The following TAS2R1 variants were observed in gnomAD, a reference collection of about 807,000 sequenced individuals.
TAS2R1 encodes taste 2 receptor member 1.
For synonymous variants in TAS2R1, 141 were observed against 134.2 expected (o/e 1.05, Z -0.35); for missense variants, 370 against 353.4 (o/e 1.05, Z -0.38).
chr5:9,891,187 C>T, the TAS2R1 span, among the ~76,000 whole-genome samples: 5 of 152,134 alleles, frequency 3.3e-5, no homozygotes, highest in African/African-American at 1.2e-4. Flanking sequence ...TTTCCAGCCA[C>T]ACATCTGGAA....
the TAS2R1 span, among the ~76,000 whole-genome samples, chr5:9,728,764 G>T: frequency 6.6e-6 from 1 of 152,186 alleles, no homozygotes; most frequent in Non-Finnish European, 1.5e-5. Flanking sequence ...CTTAGTGGCA[G>T]ATCTGGGAAC....
the TAS2R1 span, among the ~76,000 whole-genome samples, chr5:9,850,878 T>C: frequency 6.6e-6 from 1 of 152,196 alleles, no homozygotes; most frequent in African/African-American, 2.4e-5. Context: ...CATATTCTAA[T>C]TTTGGGATCC....
At chr5:9,731,083 T>C in the TAS2R1 span, among the ~76,000 whole-genome samples, 2 of 152,078 alleles carry the variant, frequency 1.3e-5, no homozygotes, top group African/African-American at 4.8e-5. Flanking sequence ...CCCATGAGTG[T>C]GTACCGACAG....
At chr5:9,868,034 C>T in the TAS2R1 span, among the ~76,000 whole-genome samples, 1 of 152,202 alleles carries the variant, frequency 6.6e-6, no homozygotes. Flanking sequence ...CCTTGGGGAG[C>T]TCCACTCCTG....
chr5:9,840,833 T>TTTTATCTATTTA, the TAS2R1 span, among the ~76,000 whole-genome samples: 1 of 77,476 alleles, frequency 1.3e-5, no homozygotes. Context: ...TTTCATTTTA[T>TTTTATCTATTTA]TTTATTTATT....
intron 1 of TAS2R1, among the ~76,000 whole-genome samples, chr5:9,706,094 C>G (rs1275262050): frequency 6.6e-6 from 1 of 152,204 alleles, no homozygotes; most frequent in African/African-American, 2.4e-5. Flanking sequence ...ATACAATGTT[C>G]TGATCTCCAT....
the TAS2R1 span, among the ~76,000 whole-genome samples, chr5:9,737,645 C>T: frequency 6.6e-6 from 1 of 152,164 alleles, no homozygotes; most frequent in Admixed American, 6.5e-5. Context: ...TTTTCCCTGG[C>T]TCCTTCCAAG....
At chr5:9,753,775 GT>G in the TAS2R1 span, among the ~76,000 whole-genome samples, 1 of 152,182 alleles carries the variant, frequency 6.6e-6, no homozygotes, top group Non-Finnish European at 1.5e-5. Context: ...TGGCTAGCCA[GT>G]TTTCCCAGCA....
At chr5:9,763,934 C>T in the TAS2R1 span, among the ~76,000 whole-genome samples, 1 of 152,118 alleles carries the variant, frequency 6.6e-6, no homozygotes, top group African/African-American at 2.4e-5. Context: ...TGTAGAAATT[C>T]AGAAAGGAAA....
chr5:9,738,212 A>G, the TAS2R1 span, among the ~76,000 whole-genome samples: 2 of 152,320 alleles, frequency 1.3e-5, no homozygotes, highest in East Asian at 1.9e-4. Flanking sequence ...ATACTTTTCC[A>G]GGGATGATTA....
chr5:9,734,179 A>G, the TAS2R1 span, among the ~76,000 whole-genome samples: 495 of 152,350 alleles, frequency 3.2e-3, 1 homozygote, highest in African/African-American at 0.011. Flanking sequence ...AGGAGATGCA[A>G]GAAGCAGAGG....
the TAS2R1 span, among the ~76,000 whole-genome samples, chr5:9,835,268 G>A: frequency 6.6e-6 from 1 of 152,210 alleles, no homozygotes; most frequent in Non-Finnish European, 1.5e-5. Flanking sequence ...AGCAGAGCCA[G>A]GGCCTCAGAG....
At chr5:9,794,682 T>C in the TAS2R1 span, among the ~76,000 whole-genome samples, 3 of 152,240 alleles carry the variant, frequency 2.0e-5, no homozygotes, top group Non-Finnish European at 4.4e-5. Flanking sequence ...AAAATGTTTT[T>C]TCTTAAGTCT....
chr5:9,832,066 C>T, the TAS2R1 span, among the ~76,000 whole-genome samples: 35 of 152,180 alleles, frequency 2.3e-4, no homozygotes, highest in Non-Finnish European at 4.6e-4. Flanking sequence ...TCTACATAAC[C>T]TGTTATCAAG....
chr5:9,714,489 A>G (rs372658925), upstream of TAS2R1, among the ~76,000 whole-genome samples: 28 of 152,330 alleles, frequency 1.8e-4, no homozygotes, highest in African/African-American at 6.3e-4. Context: ...CGGCTTCACC[A>G]GATGTGTGAT....
At chr5:9,775,800 C>T in the TAS2R1 span, among the ~76,000 whole-genome samples, 2 of 152,164 alleles carry the variant, frequency 1.3e-5, no homozygotes, top group Non-Finnish European at 2.9e-5. Context: ...TGTGGCTGAG[C>T]TGATATCCAA....
At chr5:9,701,115 T>G (rs1741470399) in intron 1 of TAS2R1, among the ~76,000 whole-genome samples, 1 of 152,004 alleles carries the variant, frequency 6.6e-6, no homozygotes, top group Admixed American at 6.6e-5. Flanking sequence ...AAAGCGGAAG[T>G]GGGCAGAACA....
chr5:9,855,317 G>A, the TAS2R1 span, among the ~76,000 whole-genome samples: 1 of 152,158 alleles, frequency 6.6e-6, no homozygotes, highest in Non-Finnish European at 1.5e-5. Context: ...AATCCGGCCA[G>A]GATAACCTCT....
chr5:9,657,176 T>G (rs551917814), intron 2 of TAS2R1, among the ~76,000 whole-genome samples: 1 of 152,160 alleles, frequency 6.6e-6, no homozygotes, highest in African/African-American at 2.4e-5. Flanking sequence ...AAATTATGCA[T>G]GAGTTTTTTT....
Sources: allele counts gnomAD v4.1 joint callset (sites outside exome capture counted in the v4.1 genomes callset), GRCh38; gene constraint gnomAD v4.1.1; transcripts MANE v1.5; gene names NCBI Gene and HGNC (gene_info 2026-07-23, HGNC 2026-07-21).